Variants in FKBP6 observed in about 807,000 individuals in gnomAD.
FKBP6 encodes the protein FKBP prolyl isomerase family member 6 (inactive).
In FKBP6, 29 loss-of-function variants were observed where a neutral mutation model predicts 41.7. The ratio of observed to expected loss-of-function variants is 0.70; its 90% CI spans 0.52 to 0.95. FKBP6 has a LOEUF of 0.95. Among genes scored for constraint, FKBP6 ranks in the 40% least tolerant of loss-of-function variants. The pLI is 0.00. For missense variants in FKBP6, 338 were observed against 408.7 expected (o/e 0.83, Z 1.49); for synonymous variants, 130 against 165.1 (o/e 0.79, Z 1.63).
chr7:73,329,986 G>C (rs4030979), intron 3 of FKBP6, among the ~76,000 whole-genome samples, 164 bp from the exon 4 acceptor site: 2 of 152,178 alleles, frequency 1.3e-5, no homozygotes, highest in Admixed American at 6.5e-5. Flanking sequence ...ATTTATATCA[G>C]TAGAAGCTGG....
intron 8 of FKBP6, among the ~76,000 whole-genome samples, chr7:73,346,130 G>A (rs776077618): frequency 2.0e-5 from 3 of 152,178 alleles, no homozygotes; most frequent in East Asian, 1.9e-4. Flanking sequence ...GAGGGGCCTC[G>A]TTCAAGAGCA....
chr7:73,344,888 G>A (rs1293403277), intron 8 of FKBP6, among the ~76,000 whole-genome samples: 4 of 152,180 alleles, frequency 2.6e-5, no homozygotes, highest in African/African-American at 7.2e-5. Flanking sequence ...CCTGGCTTAG[G>A]ACAATTTTAA....
chr7:73,349,689 G>C (rs1475606727), intron 8 of FKBP6, among the ~76,000 whole-genome samples: 2 of 145,656 alleles, frequency 1.4e-5, no homozygotes, highest in African/African-American at 5.1e-5. Flanking sequence ...ACTCCAGCCT[G>C]GCAACAGAGC....
Position 73,344,501 on chromosome 7 carries a change from C to T in FKBP6, c.*2+1602C>T, listed in dbSNP as rs1034043188. ...CTTTTGTGTCTTTGCTCTCCCTGCT[C>T]CCCTTTTTTTCTGTAGTATTTGAGG... is the stretch of plus-strand genomic sequence containing the variant. On this transcript the variant is annotated intron_variant, in intron 8 of 8. Coordinates refer to ENST00000252037, the MANE Select transcript of FKBP6 (RefSeq NM_003602.5). 3.3e-5 allele frequency among the ~76,000 whole-genome samples: 5 copies of T among 152,286 alleles called. No homozygotes were observed. In the East Asian group the frequency reaches 5.8e-4, roughly 18 times the overall value.
chr7:73,353,189 C>A (rs114332139), intron 8 of FKBP6, among the ~76,000 whole-genome samples: 3 of 152,294 alleles, frequency 2.0e-5, no homozygotes, highest in Admixed American at 6.5e-5. Context: ...TTCTGACCCT[C>A]CTGCCTCCCT....
intron 8 of FKBP6, among the ~76,000 whole-genome samples, chr7:73,345,404 C>T (rs1805307434): frequency 6.6e-6 from 1 of 152,018 alleles, no homozygotes; most frequent in Non-Finnish European, 1.5e-5. Flanking sequence ...TCCCTTTCTG[C>T]AACCTCCTCC....
At chr7:73,340,190 T>A (rs1554549188) in intron 5 of FKBP6, among the ~76,000 whole-genome samples, 3 of 152,346 alleles carry the variant, frequency 2.0e-5, no homozygotes, top group Non-Finnish European at 1.5e-5. Context: ...GGAGTTGTTT[T>A]CTTAATTTCA....
intron 5 of FKBP6, among the ~76,000 whole-genome samples, chr7:73,332,645 C>T (rs6943090): frequency 0.033 from 4,979 of 152,152 alleles, 279 homozygotes; most frequent in African/African-American, 0.11. Context: ...TGTGTTTTGA[C>T]GTGGTTCTTG....
intron 8 of FKBP6, among the ~76,000 whole-genome samples, chr7:73,345,114 C>T (rs1427618782): frequency 1.3e-5 from 2 of 150,866 alleles, no homozygotes; most frequent in African/African-American, 2.4e-5. Context: ...GTGAAATAGC[C>T]GAAGCAACAG....
At chr7:73,339,496 TTTTG>T (rs1259037567) in intron 5 of FKBP6, among the ~76,000 whole-genome samples, 8 of 152,316 alleles carry the variant, frequency 5.3e-5, no homozygotes, top group East Asian at 1.9e-4. Context: ...GTTTCGTGTT[TTTTG>T]TTTATTTTTT....
At chr7:73,334,438 T>A in intron 5 of FKBP6, among the ~76,000 whole-genome samples, 1 of 143,936 alleles carries the variant, frequency 6.9e-6, no homozygotes, top group Non-Finnish European at 1.5e-5. Flanking sequence ...GTTTGTGTCA[T>A]GTATGGAAGC....
intron 8 of FKBP6, among the ~76,000 whole-genome samples, chr7:73,345,319 A>G (rs1381793848): frequency 1.3e-5 from 2 of 151,652 alleles, no homozygotes; most frequent in African/African-American, 2.4e-5. Context: ...GACAGTGACC[A>G]GGCAGCTCTG....
intron 8 of FKBP6, among the ~76,000 whole-genome samples, chr7:73,348,214 A>G (rs779906133): frequency 3.9e-5 from 6 of 152,024 alleles, no homozygotes; most frequent in Non-Finnish European, 8.8e-5. Context: ...TTAATTTTCC[A>G]ACTCTTCCAT....
At chr7:73,338,777 GA>G (rs140436935) in intron 5 of FKBP6, among the ~76,000 whole-genome samples, 290 of 152,232 alleles carry the variant, frequency 1.9e-3, no homozygotes, top group African/African-American at 6.8e-3. Context: ...ATCTTCTTTG[GA>G]AAAATGTCTA....
chr7:73,330,339 G>T lies in FKBP6; in HGVS notation c.455G>T (p.Cys152Phe). The T allele has an allele frequency of 6.2e-7, 1 of 1,613,336 alleles. No individual in the cohort carries two copies. Among genetic ancestry groups the T allele is most frequent in the Non-Finnish European group, 8.5e-7 (1 of 1,179,290 alleles). Residue 152 changes from cysteine (C) to phenylalanine (F), a missense_variant, in exon 4 of 9, where the codon TGT (cysteine) becomes TTT (phenylalanine). This residue lies in a region of FKBP6 where 239 missense variants were observed against 250.1 expected (regional missense o/e 0.96). Transcript: ENST00000252037. Reference protein sequence around the residue: ...FLDCAESDKFCALSAEQQDQF... With the variant: ...FLDCAESDKFFALSAEQQDQF... ...GACTGTGCTGAGTCAGACAAGTTTT[G>T]TGCTCTCTCAGCTGTAAGTTCCAGA...
rs1216896736 is a variant in FKBP6, at chr7:73,331,744, C to A, written c.556C>A (p.Arg186Ser). 1.2e-6 allele frequency: 2 copies of A among 1,613,828 alleles called. No homozygotes were observed. Among genetic ancestry groups the A allele is most frequent in the South Asian group, 1.1e-5 (1 of 91,064 alleles). The change falls in exon 5 of 9, where the codon CGT becomes AGT. Residue 186 changes from arginine to serine, a missense_variant. Physicochemically the swap from Arg to Ser is moderately radical, Grantham distance 110. Transcript: ENST00000252037. ...EFGNYLFRQN[R>S]FYDAKVRYKR... The stretch of plus-strand genomic sequence containing the variant: ...TGGCAACTACCTTTTCCGCCAGAAT[C>A]GTTTCTATGATGCCAAAGTGAGATA...
intron 2 of FKBP6, 123 bp from the exon 3 acceptor site, chr7:73,329,237 C>T (rs1345265272): frequency 4.6e-5 from 36 of 783,160 alleles, no homozygotes; most frequent in Non-Finnish European, 7.1e-5. Context: ...TCCTGTACCT[C>T]GGGGTGTCGG....
intron 8 of FKBP6, among the ~76,000 whole-genome samples, chr7:73,343,146 A>G (rs1318664093): frequency 2.0e-5 from 3 of 151,934 alleles, no homozygotes; most frequent in Admixed American, 6.6e-5. Flanking sequence ...TGAGCTATTT[A>G]TTTATTTATT....
At chr7:73,337,309 C>CTTTTTTTTT (rs5884903) in intron 5 of FKBP6, among the ~76,000 whole-genome samples, 1 of 112,476 alleles carries the variant, frequency 8.9e-6, no homozygotes, top group Non-Finnish European at 1.8e-5. Flanking sequence ...CTTCCATGTT[C>CTTTTTTTTT]TTTTTTTTTT....
Sources: gnomAD v4.1 joint callset for allele counts (sites outside exome capture counted in the v4.1 genomes callset) on GRCh38, gnomAD v4.1.1 for gene constraint, gnomAD v4.1.1 regional missense constraint, MANE v1.5 for transcripts, NCBI Gene and HGNC (gene_info 2026-07-23, HGNC 2026-07-21) for gene names.